The following GLYATL2 variants were observed in gnomAD, a reference collection of about 807,000 sequenced individuals.
GLYATL2 encodes the protein glycine-N-acyltransferase like 2.
Under a neutral mutation model 21.4 loss-of-function variants are expected in GLYATL2, and 25 were observed. The ratio of observed to expected loss-of-function variants is 1.17; its 90% CI spans 0.85 to 1.63. The LOEUF (loss-of-function observed/expected upper bound fraction) is 1.63. Among genes scored for constraint, GLYATL2 ranks in the 40% most tolerant of loss-of-function variants. GLYATL2 has a pLI of 0.00. For missense variants in GLYATL2, 361 were observed against 343.3 expected, an observed-to-expected ratio of 1.05 and a Z score of -0.41; for synonymous variants, 114 against 118.2, an observed-to-expected ratio of 0.96 and a Z score of 0.23.
At chr11:58,875,707 C>T (rs1258208513) in intron 1 of GLYATL2, among the ~76,000 whole-genome samples, 2 of 152,214 alleles carry the variant, frequency 1.3e-5, no homozygotes, top group Non-Finnish European at 2.9e-5. Context: ...ACCTTTCTCT[C>T]TGGCTGCCCT....
intron 3 of GLYATL2, 74 bp from the exon 4 acceptor site, chr11:58,837,471 C>A (rs1254168375): frequency 1.5e-5 from 20 of 1,369,714 alleles, no homozygotes; most frequent in Non-Finnish European, 2.0e-5. Flanking sequence ...GTCTAGAGTG[C>A]TAGAGATTCA....
At chr11:58,885,505 C>T (rs1442689458) in intron 1 of GLYATL2, 8 of 501,018 alleles carry the variant, frequency 1.6e-5, no homozygotes, top group East Asian at 5.5e-5. Flanking sequence ...ACTCCTGGCC[C>T]GAGTATCAGA....
upstream of GLYATL2, among the ~76,000 whole-genome samples, chr11:58,846,157 A>C (rs10792185): frequency 0.26 from 39,391 of 152,040 alleles, 5,586 homozygotes; most frequent in East Asian, 0.51. Context: ...ATTGACAGCA[A>C]ACTGTGGATA....
upstream of GLYATL2, among the ~76,000 whole-genome samples, chr11:58,848,268 A>G (rs1180597140): frequency 1.3e-5 from 2 of 152,066 alleles, no homozygotes; most frequent in Non-Finnish European, 2.9e-5. Flanking sequence ...TAGAGCAAAC[A>G]CCTAACTCTT....
upstream of GLYATL2, among the ~76,000 whole-genome samples, chr11:58,904,832 A>T (rs114895204): frequency 8.9e-3 from 1,351 of 152,334 alleles, 14 homozygotes; most frequent in African/African-American, 0.031. Context: ...TTACATAAAC[A>T]TCTGTCCTTC....
At chr11:58,855,031 A>C (rs1253424617) in intron 1 of GLYATL2, among the ~76,000 whole-genome samples, 1 of 152,192 alleles carries the variant, frequency 6.6e-6, no homozygotes, top group East Asian at 1.9e-4. Context: ...AATCTTGAAC[A>C]CTTCAAAGTT....
chr11:58,889,717 T>C (rs1368496330), intron 1 of GLYATL2, among the ~76,000 whole-genome samples: 1 of 152,084 alleles, frequency 6.6e-6, no homozygotes, highest in Non-Finnish European at 1.5e-5. Flanking sequence ...TAAAACAAAC[T>C]GTTCATGTTC....
intron 1 of GLYATL2, among the ~76,000 whole-genome samples, chr11:58,843,730 T>C (rs994787341): frequency 6.7e-6 from 1 of 149,398 alleles, no homozygotes; most frequent in African/African-American, 2.5e-5. Context: ...CAGGGAAAAA[T>C]GTACTTAAAA....
At chr11:58,893,114 G>A (rs1484079789) in intron 1 of GLYATL2, 5 of 402,608 alleles carry the variant, frequency 1.2e-5, no homozygotes, top group South Asian at 6.9e-5. Context: ...AACTGGAGGC[G>A]AGGGAAGAAT....
At chr11:58,896,073 T>G (rs1854629656) in intron 1 of GLYATL2, among the ~76,000 whole-genome samples, 1 of 152,146 alleles carries the variant, frequency 6.6e-6, no homozygotes. Context: ...GCCAGGCTTG[T>G]CTTGAACTTC....
intron 1 of GLYATL2, among the ~76,000 whole-genome samples, chr11:58,883,751 A>G (rs1854386375): frequency 6.6e-6 from 1 of 152,194 alleles, no homozygotes; most frequent in Non-Finnish European, 1.5e-5. Context: ...AAAGCCTGGC[A>G]GAGACACAAC....
intron 1 of GLYATL2, among the ~76,000 whole-genome samples, chr11:58,856,690 C>T (rs546281588): frequency 6.6e-6 from 1 of 152,146 alleles, no homozygotes; most frequent in African/African-American, 2.4e-5. Context: ...TTAGGTGAGG[C>T]AGTCAGAACA....
intron 1 of GLYATL2, among the ~76,000 whole-genome samples, chr11:58,880,055 T>G (rs548576915): frequency 6.6e-6 from 1 of 152,226 alleles, no homozygotes; most frequent in African/African-American, 2.4e-5. Context: ...AGACGGGGTT[T>G]CACCATGTTA....
rs370339254 is a variant in GLYATL2 at position 58,838,389 on chromosome 11, G to T, written c.79-21C>A. The T allele has an allele frequency of 2.6e-5, 38 of 1,465,292 alleles. 1 individual carries two copies. The African/African-American group carries it at 3.1e-4, about 12-fold the overall frequency. 90.8% of individuals were successfully genotyped at this position (1,465,292 alleles called of 1,614,324 possible). A position where few individuals can be genotyped will look rare whatever the true frequency, so the allele number is the denominator to read the frequency against. Reference sequence around the variant, plus strand: ...TATACCTACGATGCAACAGAACAAAGCAGGAGAGGATGAAGTTCTTCTCCA... The same window carrying T: ...TATACCTACGATGCAACAGAACAAATCAGGAGAGGATGAAGTTCTTCTCCA... On this transcript the variant is annotated intron_variant, in intron 2 of 5. Transcript: ENST00000287275.
intron 1 of GLYATL2, 97 bp downstream of exon 1, chr11:58,844,337 A>G (rs1267371768): frequency 6.6e-6 from 1 of 152,210 alleles, no homozygotes; most frequent in East Asian, 1.9e-4. Context: ...TTTGCAGGGG[A>G]AAAGAAATAA....
chr11:58,849,177 A>G (rs1161954991), upstream of GLYATL2, among the ~76,000 whole-genome samples: 1 of 152,226 alleles, frequency 6.6e-6, no homozygotes, highest in Non-Finnish European at 1.5e-5. Flanking sequence ...CCTACAAGAA[A>G]TGCTAAAGAA....
At chr11:58,840,932 GTA>G (rs1565089042) in intron 1 of GLYATL2, 1 of 151,380 alleles carries the variant, frequency 6.6e-6, no homozygotes, top group Non-Finnish European at 1.5e-5. Flanking sequence ...GGTTATCTGT[GTA>G]TATGTACATT....
At chr11:58,872,387 A>G (rs1024665298) in intron 1 of GLYATL2, among the ~76,000 whole-genome samples, 13 of 152,152 alleles carry the variant, frequency 8.5e-5, no homozygotes, top group African/African-American at 3.1e-4. Flanking sequence ...GGTATTCCCT[A>G]GGTTTTCTTC....
At chr11:58,858,393 A>G (rs1222815096) in intron 1 of GLYATL2, among the ~76,000 whole-genome samples, 1 of 152,098 alleles carries the variant, frequency 6.6e-6, no homozygotes. Context: ...CTTTTCTGTA[A>G]CTTTAAATTT....
Sources: allele counts gnomAD v4.1 joint callset (sites outside exome capture counted in the v4.1 genomes callset), GRCh38; gene constraint gnomAD v4.1.1; transcripts MANE v1.5; gene names NCBI Gene and HGNC (gene_info 2026-07-23, HGNC 2026-07-21).